The following WARS1 variants were observed in gnomAD, a reference collection of about 807,000 sequenced individuals.
The protein encoded by WARS1 is tryptophan--tRNA ligase, cytoplasmic.
A neutral mutation model predicts 47.8 loss-of-function variants in WARS1; 17 were observed. That is an observed-to-expected ratio of 0.36 (90% confidence interval 0.24 to 0.53). WARS1 has a LOEUF of 0.53. WARS1 is among the 20% of genes least tolerant of loss of function. The pLI, the probability that WARS1 is intolerant of heterozygous loss-of-function variation, is 0.91. For synonymous variants in WARS1, 208 were observed against 228.1 expected, an observed-to-expected ratio of 0.91 and a Z score of 0.79; for missense variants, 434 against 608.0, an observed-to-expected ratio of 0.71 and a Z score of 3.01.
chr14:100,356,017 C>T (rs1444128542), intron 4 of WARS1, among the ~76,000 whole-genome samples: 2 of 152,112 alleles, frequency 1.3e-5, no homozygotes, highest in Non-Finnish European at 2.9e-5. Context: ...TCCTGACAAG[C>T]GTGCAGAAAT....
intron 9 of WARS1, chr14:100,340,369 A>G (rs1290499208): frequency 6.6e-6 from 1 of 152,314 alleles, no homozygotes; most frequent in Non-Finnish European, 1.5e-5. Flanking sequence ...CCGAATGGAC[A>G]CAGCCAGCTA....
intron 8 of WARS1, among the ~76,000 whole-genome samples, 196 bp from the exon 9 acceptor site, chr14:100,342,767 G>A (rs1340099310): frequency 6.6e-6 from 1 of 150,952 alleles, no homozygotes; most frequent in African/African-American, 2.4e-5. Context: ...TACAGAACAC[G>A]CAGGTTTGTT....
At chr14:100,359,426 CAT>C (rs956246531) in intron 4 of WARS1, among the ~76,000 whole-genome samples, 15 of 152,306 alleles carry the variant, frequency 9.8e-5, no homozygotes, top group African/African-American at 2.4e-4. Flanking sequence ...CAAAAGGCCA[CAT>C]GTTACATGAT....
chr14:100,344,967 G>A (rs1159104130), intron 7 of WARS1, among the ~76,000 whole-genome samples: 16 of 149,336 alleles, frequency 1.1e-4, no homozygotes, highest in Middle Eastern at 3.5e-3. Flanking sequence ...TCAGCCCCCC[G>A]CCCGGCCAGC....
At position 100,360,666 on chromosome 14, in the gene WARS1, GAAAAAAA is replaced by G; in HGVS notation, c.314-11_314-5del. On this transcript the variant is annotated splice_region_variant and splice_polypyrimidine_tract_variant and intron_variant, in intron 3 of 10. Transcript: ENST00000392882. The stretch of plus-strand genomic sequence containing the variant: ...ATTTTACTACTTCCAAACCGAACTG[GAAAAAAA>G]GAAAAGATGACTTTCTTAGGTGGCA... 6.2e-7 allele frequency: 1 copy of G among 1,604,342 alleles called. No homozygotes were observed. Among genetic ancestry groups the G allele is most frequent in the South Asian group, 1.1e-5 (1 of 90,598 alleles).
At chr14:100,356,923 A>T (rs942811886) in intron 4 of WARS1, among the ~76,000 whole-genome samples, 4 of 152,216 alleles carry the variant, frequency 2.6e-5, no homozygotes, top group African/African-American at 9.6e-5. Flanking sequence ...AAAAAAGATT[A>T]TACACTATGA....
Position 100,339,408 on chromosome 14 carries a change from G to A in WARS1, c.1114-2206C>T, listed in dbSNP as rs534386337. ...AGATCAAGACCATCCTGGCTAACAC[G>A]GTGAAACCCCGTCTCTACCAAAATA... On this transcript the variant is annotated intron_variant, in intron 9 of 10. Transcript: ENST00000392882. 2.0e-3 allele frequency among the ~76,000 whole-genome samples: 300 copies of A among 152,028 alleles called. 7 individuals are homozygous for A. The South Asian group carries it at 0.031, about 16-fold the overall frequency.
chr14:100,368,329 C>T (rs931251445), intron 2 of WARS1: 4 of 425,460 alleles, frequency 9.4e-6, no homozygotes, highest in Non-Finnish European at 1.9e-5. Context: ...CAGCTGTCCA[C>T]GTCTATTTCC....
chr14:100,351,612 G>A (rs970036248), intron 6 of WARS1, among the ~76,000 whole-genome samples: 1 of 152,136 alleles, frequency 6.6e-6, no homozygotes, highest in African/African-American at 2.4e-5. Flanking sequence ...CAGGTGCCAG[G>A]ATCTGGATCC....
intron 7 of WARS1, among the ~76,000 whole-genome samples, chr14:100,345,019 C>T (rs796693056): frequency 0.011 from 352 of 30,984 alleles, 1 homozygote; most frequent in East Asian, 0.08. Context: ...GCCCCCCGCC[C>T]GGCCAGCCGC....
chr14:100,351,191 G>C (rs970085846), intron 6 of WARS1, among the ~76,000 whole-genome samples: 3 of 152,154 alleles, frequency 2.0e-5, no homozygotes, highest in African/African-American at 4.8e-5. Flanking sequence ...ACTGGCTGGT[G>C]GGGGCAGTGG....
chr14:100,339,590 C>CAAAAAA (rs386382322), intron 9 of WARS1, among the ~76,000 whole-genome samples: 1 of 78,638 alleles, frequency 1.3e-5, no homozygotes, highest in Non-Finnish European at 2.2e-5. Context: ...GACTCCGTCT[C>CAAAAAA]AAAAAAAAAA....
chr14:100,352,939 G>A (rs996274930), intron 6 of WARS1: 1 of 152,178 alleles, frequency 6.6e-6, no homozygotes, highest in African/African-American at 2.4e-5. Context: ...ACTAGACTGA[G>A]GAAACTGTGT....
At chr14:100,351,928 G>A (rs1262610472) in intron 6 of WARS1, among the ~76,000 whole-genome samples, 1 of 151,576 alleles carries the variant, frequency 6.6e-6, no homozygotes, top group Non-Finnish European at 1.5e-5. Context: ...GAGAGGCGGA[G>A]CTTGCAGTGA....
intron 9 of WARS1, among the ~76,000 whole-genome samples, chr14:100,339,114 C>CACACACACACAT (rs1893951992): frequency 1.1e-4 from 4 of 35,802 alleles, no homozygotes; most frequent in African/African-American, 1.9e-4. Context: ...CACACACACA[C>CACACACACACAT]ACACACACAT....
intron 9 of WARS1, among the ~76,000 whole-genome samples, chr14:100,341,157 C>G (rs1028162869): frequency 6.6e-6 from 1 of 152,144 alleles, no homozygotes; most frequent in African/African-American, 2.4e-5. Flanking sequence ...CTCAGGTGAT[C>G]CACCTGCCTC....
intron 9 of WARS1, among the ~76,000 whole-genome samples, chr14:100,338,945 G>A (rs1040901701): frequency 2.0e-5 from 3 of 150,868 alleles, no homozygotes; most frequent in Admixed American, 2.0e-4. Context: ...CGTCTCTACT[G>A]AAACTACAAA....
At chr14:100,361,997 G>T in intron 2 of WARS1, 76 bp from the exon 3 acceptor site, 1 of 1,478,372 alleles carries the variant, frequency 6.8e-7, no homozygotes, top group Non-Finnish European at 9.3e-7. Context: ...TTCTGTGGCA[G>T]GCACTGTGTT....
At chr14:100,362,163 T>C (rs1895702383) in intron 2 of WARS1, among the ~76,000 whole-genome samples, 1 of 152,208 alleles carries the variant, frequency 6.6e-6, no homozygotes, top group African/African-American at 2.4e-5. Flanking sequence ...AAACACTTCA[T>C]TTTTATCTGT....
Sources: allele counts gnomAD v4.1 joint callset (sites outside exome capture counted in the v4.1 genomes callset), GRCh38; gene constraint gnomAD v4.1.1; transcripts MANE v1.5; gene names NCBI Gene and HGNC (gene_info 2026-07-23, HGNC 2026-07-21).